PPARGC1A: variants seen among roughly 807,000 people sequenced by gnomAD.
PPARGC1A encodes peroxisome proliferator-activated receptor gamma coactivator 1-alpha.
A neutral mutation model predicts 88.7 loss-of-function variants in PPARGC1A; 25 were observed. The observed-to-expected ratio is 0.28, with a 90% confidence interval of 0.21 to 0.39. The LOEUF is 0.39. Ranked by LOEUF, PPARGC1A falls within the 10% of genes least tolerant of loss-of-function variation. The pLI, the probability that PPARGC1A is intolerant of heterozygous loss-of-function variation, is 1.00. For missense variants in PPARGC1A, 880 were observed against 968.7 expected (o/e 0.91, Z 1.22); for synonymous variants, 363 against 355.6 (o/e 1.02, Z -0.24).
At chr4:24,239,479 C>G in the PPARGC1A span, among the ~76,000 whole-genome samples, 47 of 152,298 alleles carry the variant, frequency 3.1e-4, no homozygotes, top group African/African-American at 1.1e-3. Flanking sequence ...CCTGCGTGAT[C>G]TTGTACAAGT....
chr4:24,278,005 G>T, the PPARGC1A span, among the ~76,000 whole-genome samples: 1 of 151,844 alleles, frequency 6.6e-6, no homozygotes, highest in Non-Finnish European at 1.5e-5. Context: ...CAAGACCTTT[G>T]CTCTATAAAA....
the PPARGC1A span, among the ~76,000 whole-genome samples, chr4:24,311,639 C>CA: frequency 1.3e-5 from 2 of 150,844 alleles, no homozygotes; most frequent in African/African-American, 4.9e-5. Context: ...GACTCCATCT[C>CA]AAAAAAAATA....
the PPARGC1A span, among the ~76,000 whole-genome samples, chr4:24,070,978 T>C: frequency 6.6e-6 from 1 of 152,202 alleles, no homozygotes. Context: ...CCTAGCCCTT[T>C]GCAGAGCAAT....
the PPARGC1A span, among the ~76,000 whole-genome samples, chr4:24,060,717 T>C: frequency 6.6e-6 from 1 of 152,210 alleles, no homozygotes; most frequent in Admixed American, 6.5e-5. Context: ...TCAAATGAAA[T>C]CTTTCTTTGT....
At chr4:24,446,926 C>G in the PPARGC1A span, among the ~76,000 whole-genome samples, 1 of 152,126 alleles carries the variant, frequency 6.6e-6, no homozygotes, top group East Asian at 1.9e-4. Flanking sequence ...AGAGAACTAT[C>G]TCACAACTTT....
At chr4:24,272,867 G>T in the PPARGC1A span, among the ~76,000 whole-genome samples, 2 of 152,140 alleles carry the variant, frequency 1.3e-5, no homozygotes, top group South Asian at 2.1e-4. Context: ...TGTTTCCAGT[G>T]CAATAGATCT....
At chr4:24,113,574 C>T in the PPARGC1A span, among the ~76,000 whole-genome samples, 1 of 152,114 alleles carries the variant, frequency 6.6e-6, no homozygotes, top group Non-Finnish European at 1.5e-5. Context: ...TTTGATTGCT[C>T]TTTGTTAGAA....
At chr4:24,074,039 A>G in the PPARGC1A span, among the ~76,000 whole-genome samples, 9 of 152,150 alleles carry the variant, frequency 5.9e-5, no homozygotes, top group Admixed American at 1.3e-4. Flanking sequence ...AGTAAAGGCA[A>G]ATCACTACCA....
chr4:24,012,759 G>A, the PPARGC1A span, among the ~76,000 whole-genome samples: 1 of 151,968 alleles, frequency 6.6e-6, no homozygotes, highest in Admixed American at 6.6e-5. Context: ...CTATTTTTGG[G>A]AATAAAAGAT....
chr4:24,441,552 T>TA, the PPARGC1A span, among the ~76,000 whole-genome samples: 1 of 151,936 alleles, frequency 6.6e-6, no homozygotes, highest in Non-Finnish European at 1.5e-5. Flanking sequence ...TTACAGGACA[T>TA]AGGAGGAGGG....
the PPARGC1A span, among the ~76,000 whole-genome samples, chr4:23,923,189 C>T: frequency 6.6e-6 from 1 of 150,908 alleles, no homozygotes; most frequent in South Asian, 2.1e-4. Flanking sequence ...TGAGTCTTGC[C>T]ATGGTTTTGA....
the PPARGC1A span, among the ~76,000 whole-genome samples, chr4:24,361,571 C>T: frequency 3.1e-3 from 474 of 152,208 alleles, 6 homozygotes; most frequent in African/African-American, 0.011. Flanking sequence ...GGGATGTGTA[C>T]GTAACACCCT....
chr4:23,961,151 T>G, the PPARGC1A span, among the ~76,000 whole-genome samples: 13 of 152,252 alleles, frequency 8.5e-5, no homozygotes, highest in African/African-American at 2.9e-4. Flanking sequence ...CGTCTTACTA[T>G]TTTCACCTCC....
At chr4:23,934,771 C>G in the PPARGC1A span, among the ~76,000 whole-genome samples, 3 of 152,148 alleles carry the variant, frequency 2.0e-5, no homozygotes, top group African/African-American at 7.2e-5. Flanking sequence ...GATAAGGAAA[C>G]TGAGGCTCAT....
At chr4:24,091,076 A>G in the PPARGC1A span, among the ~76,000 whole-genome samples, 1 of 152,226 alleles carries the variant, frequency 6.6e-6, no homozygotes, top group Admixed American at 6.5e-5. Flanking sequence ...ATTCTAAGCT[A>G]CCATAACACC....
chr4:23,797,695 G>C (rs926700772), intron 12 of PPARGC1A, among the ~76,000 whole-genome samples: 3 of 145,150 alleles, frequency 2.1e-5, no homozygotes, highest in African/African-American at 7.6e-5. Flanking sequence ...CAGGCACACT[G>C]TTACTCAGAA....
At chr4:23,817,998 C>T (rs1336283477) in intron 7 of PPARGC1A, among the ~76,000 whole-genome samples, 2 of 152,178 alleles carry the variant, frequency 1.3e-5, no homozygotes, top group Non-Finnish European at 1.5e-5. Flanking sequence ...CTCACCTCCG[C>T]TACCCACAAC....
At chr4:24,158,151 A>G in the PPARGC1A span, among the ~76,000 whole-genome samples, 1 of 149,964 alleles carries the variant, frequency 6.7e-6, no homozygotes, top group Admixed American at 6.7e-5. Context: ...AGATCTTTGC[A>G]ATAGTTATTG....
the PPARGC1A span, among the ~76,000 whole-genome samples, chr4:24,169,321 T>C: frequency 3.3e-5 from 5 of 152,222 alleles, no homozygotes; most frequent in East Asian, 9.7e-4. Flanking sequence ...ATAAATGTAA[T>C]ACGGGGTCCT....
Sources: gnomAD v4.1 joint callset for allele counts (sites outside exome capture counted in the v4.1 genomes callset) on GRCh38, gnomAD v4.1.1 for gene constraint, MANE v1.5 for transcripts, NCBI Gene and HGNC (gene_info 2026-07-23, HGNC 2026-07-21) for gene names.